The following MPP7 variants were observed in gnomAD, a reference collection of about 807,000 sequenced individuals.
The protein encoded by MPP7 is MAGUK p55 scaffold protein 7.
MPP7 carries 60 observed loss-of-function variants against 76.5 expected under a neutral mutation model. The observed-to-expected ratio is 0.78, with a 90% CI of 0.64 to 0.97. MPP7 has a LOEUF of 0.97. MPP7 is among the 50% of genes least tolerant of loss of function. The pLI, the probability that MPP7 is intolerant of heterozygous loss-of-function variation, is 0.00. For missense variants in MPP7, 641 were observed against 694.0 expected (o/e 0.92, Z 0.86); for synonymous variants, 237 against 244.5 (o/e 0.97, Z 0.29).
chr10:28,062,542 AC>A (rs1851831847), intron 13 of MPP7, among the ~76,000 whole-genome samples: 1 of 101,654 alleles, frequency 9.8e-6, no homozygotes, highest in Non-Finnish European at 1.8e-5. Context: ...ACACACACAC[AC>A]ACACACACAC....
upstream of MPP7, among the ~76,000 whole-genome samples, chr10:28,303,820 C>T (rs966091626): frequency 1.3e-5 from 2 of 152,174 alleles, no homozygotes; most frequent in Non-Finnish European, 2.9e-5. Flanking sequence ...CTGGTATCAG[C>T]GCCCTTCAGC....
At position 28,054,336 on chromosome 10, in the gene MPP7, T is replaced by C. The variant is rs1024715514; in HGVS notation, c.1552-92A>G. On this transcript the variant is annotated intron_variant, in intron 16 of 16. Transcript: ENST00000683449. ...AACATTCTACAATTGGTTTACCTAA[T>C]GCTGTTCTGTGTTCAGTCTTTCCCC... 3 of 740,082 alleles carry C rather than the reference T, an allele frequency of 4.1e-6. No individual in the cohort carries two copies. In the African/African-American group the frequency reaches 5.3e-5, roughly 13 times the overall value. 45.8% of individuals were successfully genotyped at this position (740,082 alleles called of 1,614,324 possible).
rs1851419449 is a variant in MPP7, at chr10:28,053,076, A to G, written c.*989T>C. ...ATGACAAAGAAATAACATCACATGA[A>G]AAGTTTTCTAAAATAAATCTTAGAG... On this transcript the variant is annotated 3_prime_UTR_variant, in exon 17 of 17. Transcript: ENST00000683449. 6.6e-6 allele frequency: 1 copy of G among 152,218 alleles called. No individual in the cohort carries two copies. The highest frequency in any genetic ancestry group is 6.5e-5 in the Admixed American group (1 of 15,288). 9.4% of individuals were successfully genotyped at this position (152,218 alleles called of 1,614,324 possible). A position where few individuals can be genotyped will look rare whatever the true frequency, so the allele number is the denominator to read the frequency against.
intron 3 of MPP7, among the ~76,000 whole-genome samples, chr10:28,157,366 G>A (rs1836101536): frequency 5.9e-5 from 9 of 152,198 alleles, no homozygotes; most frequent in Admixed American, 5.9e-4. Context: ...AAATTCTGTT[G>A]AAATTAATAA....
chr10:28,128,737 T>C (rs762989847), intron 6 of MPP7, among the ~76,000 whole-genome samples: 2 of 152,090 alleles, frequency 1.3e-5, no homozygotes, highest in Admixed American at 6.5e-5. Context: ...TATGTGAAAA[T>C]TGAGATGTCT....
intron 11 of MPP7, 41 bp from the exon 12 acceptor site, chr10:28,089,882 CA>C (rs1564625263): frequency 9.8e-6 from 10 of 1,023,218 alleles, no homozygotes; most frequent in South Asian, 3.5e-5. Context: ...TAACATCAAC[CA>C]AAAAAGAAAC....
At chr10:28,267,832 T>C (rs1441674435) in intron 1 of MPP7, among the ~76,000 whole-genome samples, 1 of 152,014 alleles carries the variant, frequency 6.6e-6, no homozygotes, top group Non-Finnish European at 1.5e-5. Context: ...GGTCAGCAGT[T>C]TGAGACCAGC....
intron 5 of MPP7, among the ~76,000 whole-genome samples, chr10:28,139,205 T>A (rs979238681): frequency 6.6e-6 from 1 of 152,222 alleles, no homozygotes; most frequent in Non-Finnish European, 1.5e-5. Context: ...AGAAAGAGCA[T>A]GGAGGAGGTA....
At chr10:28,229,100 A>G (rs1256515380) in intron 2 of MPP7, among the ~76,000 whole-genome samples, 1 of 152,250 alleles carries the variant, frequency 6.6e-6, no homozygotes, top group African/African-American at 2.4e-5. Flanking sequence ...TCCAGAATTC[A>G]TGAAATACAT....
chr10:28,251,999 T>C (rs1488413477), intron 1 of MPP7, among the ~76,000 whole-genome samples: 1 of 152,212 alleles, frequency 6.6e-6, no homozygotes, highest in Admixed American at 6.5e-5. Flanking sequence ...CATTTTTAGT[T>C]TTTCTTTTGC....
chr10:28,230,879 G>A (rs1838859838), intron 2 of MPP7, among the ~76,000 whole-genome samples: 1 of 152,160 alleles, frequency 6.6e-6, no homozygotes, highest in East Asian at 1.9e-4. Context: ...CATAATCGCT[G>A]AGGGAGATTT....
At chr10:28,084,419 C>G (rs572851704) in intron 12 of MPP7, among the ~76,000 whole-genome samples, 1 of 152,292 alleles carries the variant, frequency 6.6e-6, no homozygotes, top group South Asian at 2.1e-4. Flanking sequence ...AAAATGTACC[C>G]TAATTAATCA....
At chr10:28,162,977 A>C (rs1374988992) in intron 3 of MPP7, among the ~76,000 whole-genome samples, 2 of 152,098 alleles carry the variant, frequency 1.3e-5, no homozygotes, top group African/African-American at 2.4e-5. Flanking sequence ...GGTTGGACCC[A>C]ACTGAATAGT....
chr10:28,121,831 T>C (rs975934237), intron 8 of MPP7, among the ~76,000 whole-genome samples: 2 of 149,094 alleles, frequency 1.3e-5, no homozygotes, highest in African/African-American at 2.5e-5. Flanking sequence ...AAAAAGGCTC[T>C]GATGTGTACT....
chr10:28,059,679 A>C lies in MPP7; in HGVS notation c.1269T>G (p.His423Gln). ...TATTTTGTACATCTGTCTCAAACAAATGCTTGGAAATGAAAATGTATTCAA... is the reference window on the plus strand; with the variant it reads ...TATTTTGTACATCTGTCTCAAACAACTGCTTGGAAATGAAAATGTATTCAA... ...DGVEYIFISK[H>Q]LFETDVQNNK... Residue 423 changes from histidine (H) to glutamine (Q), a missense_variant, in exon 14 of 17, where the codon CAT (histidine) becomes CAG (glutamine). His to Gln is a conservative substitution (Grantham distance 24). Transcript: ENST00000683449. The C allele has an allele frequency of 6.2e-7, 1 of 1,613,430 alleles. No homozygotes were observed.
chr10:28,202,576 C>T (rs1837814540), intron 2 of MPP7, among the ~76,000 whole-genome samples: 1 of 152,176 alleles, frequency 6.6e-6, no homozygotes, highest in African/African-American at 2.4e-5. Context: ...AAAACGCATA[C>T]ATTCCTTTCC....
At chr10:28,092,760 T>TTTTTTTTTGA (rs60093827) in intron 11 of MPP7, among the ~76,000 whole-genome samples, 1 of 145,678 alleles carries the variant, frequency 6.9e-6, no homozygotes, top group African/African-American at 2.7e-5. Flanking sequence ...TTTTTTTTTT[T>TTTTTTTTTGA]GAAGAGATAA....
intron 2 of MPP7, among the ~76,000 whole-genome samples, chr10:28,329,659 C>T (rs1178442244): frequency 2.0e-5 from 3 of 147,770 alleles, no homozygotes; most frequent in Non-Finnish European, 4.5e-5. Context: ...AAAACCACTA[C>T]TTTACTAATA....
Position 28,089,861 on chromosome 10 carries a change from T to C in MPP7, c.953-20A>G, listed in dbSNP as rs1181388538. The C allele has an allele frequency of 1.5e-6, 2 of 1,309,642 alleles. No individual in the cohort carries two copies. The allele number at this position is 1,309,642 out of a possible 1,614,324, so 81.1% of individuals were successfully genotyped here. A position where few individuals can be genotyped will look rare whatever the true frequency, so the allele number is the denominator to read the frequency against. The stretch of plus-strand genomic sequence containing the variant: ...AACCAGCTGCAAATATTAAAATAAA[T>C]ATATTTTTAGTAACATCAACCAAAA... On this transcript the variant is annotated intron_variant, in intron 11 of 16. Transcript: ENST00000683449.
Sources: gnomAD v4.1 joint callset for allele counts (sites outside exome capture counted in the v4.1 genomes callset) on GRCh38, gnomAD v4.1.1 for gene constraint, MANE v1.5 for transcripts, NCBI Gene and HGNC (gene_info 2026-07-23, HGNC 2026-07-21) for gene names.